The following POGZ variants were observed in gnomAD, a reference collection of about 807,000 sequenced individuals.
POGZ encodes pogo transposable element derived with ZNF domain.
A neutral mutation model predicts 134.6 loss-of-function variants in POGZ; 17 were observed. That is an observed-to-expected ratio of 0.13 (90% confidence interval 0.09 to 0.19). POGZ has a LOEUF of 0.19. Among genes scored for constraint, POGZ ranks in the 10% least tolerant of loss-of-function variants. POGZ has a pLI of 1.00. For missense variants in POGZ, 1,306 were observed against 1,769.7 expected, an observed-to-expected ratio of 0.74 and a Z score of 4.70; for synonymous variants, 693 against 657.1, an observed-to-expected ratio of 1.05 and a Z score of -0.84.
chr1:151,405,918 G>A lies in POGZ; in HGVS notation c.3117C>T (p.Arg1039=), dbSNP rs371361212. ...CCTCATTTACAGGTAGCTGTTGTTCGCGCTGGGTTAGCACCCACTCAGCCA... is the reference window on the plus strand; with the variant it reads ...CCTCATTTACAGGTAGCTGTTGTTCACGCTGGGTTAGCACCCACTCAGCCA... ...EKLAEWVLTQ[R]EQQLPVNEET... is the part of the protein sequence containing the mutation. The change falls in exon 19 of 19, where the codon CGC becomes CGT. Residue 1039 remains arginine, a synonymous_variant. Coordinates refer to ENST00000271715, the MANE Select transcript of POGZ (RefSeq NM_015100.4). This position sits in a 1 kb window ranked among gnomAD's most constrained non-coding sequence, Gnocchi z 4.9. 3.9e-5 allele frequency: 63 copies of A among 1,613,942 alleles called. No individual in the cohort carries two copies. Among genetic ancestry groups the A allele is most frequent in the African/African-American group, 2.9e-4 (22 of 74,882 alleles).
chr1:151,418,439 A>C (rs1571398478), intron 10 of POGZ, among the ~76,000 whole-genome samples: 1 of 152,142 alleles, frequency 6.6e-6, no homozygotes, highest in South Asian at 2.1e-4. Context: ...GGCTGGGAAG[A>C]GTAGGGGAGT....
Position 151,430,904 on chromosome 1 carries a change from CTTTATTTTATTTTATTTTATTTTAT to C in POGZ, c.284-88_284-64del, listed in dbSNP as rs60227751. On this transcript the variant is annotated intron_variant, in intron 3 of 18. Transcript: ENST00000271715. ...GAAACAATGTTAAACCCACATTTTA[CTTTATTTTATTTTATTTTATTTTAT>C]TTTATTTTATTTTATTTTATTTGAT... 53 of 426,868 alleles carry C rather than the reference CTTTATTTTATTTTATTTTATTTTAT, an allele frequency of 1.2e-4. 1 individual carries two copies. The highest frequency in any genetic ancestry group is 2.4e-4 in the South Asian group (6 of 25,060). The allele number at this position is 426,868 out of a possible 1,614,324, so 26.4% of individuals were successfully genotyped here.
In POGZ at chr1:151,404,778, C is replaced by T; in HGVS notation, c.*24G>A. The T allele has an allele frequency of 1.3e-6, 2 of 1,572,474 alleles. No individual in the cohort carries two copies. The highest frequency in any genetic ancestry group is 1.4e-5 in the African/African-American group (1 of 74,066). Reference sequence around the variant, plus strand: ...CCCTCACATGTTCCCACCCTCACTCCACACCCCCTCATGACCCCAACACTC... The same window carrying T: ...CCCTCACATGTTCCCACCCTCACTCTACACCCCCTCATGACCCCAACACTC... On this transcript the variant is annotated 3_prime_UTR_variant, in exon 19 of 19. Coordinates refer to ENST00000271715, the MANE Select transcript of POGZ (RefSeq NM_015100.4).
Position 151,429,731 on chromosome 1 carries a change from GA to G in POGZ, c.460-21del, listed in dbSNP as rs765763467. The G allele has an allele frequency of 6.9e-7, 1 of 1,439,312 alleles. No homozygotes were observed. Among genetic ancestry groups the G allele is most frequent in the Non-Finnish European group, 9.8e-7 (1 of 1,021,908 alleles). 89.2% of individuals were successfully genotyped at this position (1,439,312 alleles called of 1,614,324 possible). ...AAATCCCTGTATTAAAAAGCAAAAT[GA>G]TCTTTAACATGGAGACCAATTAACA... On this transcript the variant is annotated intron_variant, in intron 4 of 18. Coordinates refer to ENST00000271715, the MANE Select transcript of POGZ (RefSeq NM_015100.4).
chr1:151,404,741 C>A lies in POGZ; in HGVS notation c.*61G>T. On this transcript the variant is annotated 3_prime_UTR_variant, in exon 19 of 19. Transcript: ENST00000271715. ...CCTGGTATGCCCCCTTTTCCCTAAG[C>A]CCCTTTACCCTCCCTCACATGTTCC... 3 of 1,509,894 alleles carry A rather than the reference C, an allele frequency of 2.0e-6. No homozygotes were observed. Among genetic ancestry groups the A allele is most frequent in the Middle Eastern group, 1.9e-4 (1 of 5,232 alleles). The allele number at this position is 1,509,894 out of a possible 1,614,324, so 93.5% of individuals were successfully genotyped here. A position where few individuals can be genotyped will look rare whatever the true frequency, so the allele number is the denominator to read the frequency against.
chr1:151,421,588 CTTT>C (rs976547047), intron 10 of POGZ, among the ~76,000 whole-genome samples: 4 of 152,350 alleles, frequency 2.6e-5, no homozygotes, highest in African/African-American at 7.2e-5. Context: ...AAGATCTCTT[CTTT>C]GTCTAACAAT....
chr1:151,437,150 CGCCACTGTACTCCA>C (rs1156853534), intron 3 of POGZ, among the ~76,000 whole-genome samples: 1 of 151,490 alleles, frequency 6.6e-6, no homozygotes, highest in Non-Finnish European at 1.5e-5. Context: ...GCCGAGATTG[CGCCACTGTACTCCA>C]GCCTGGGCAA....
rs201882243 is a variant in POGZ, at chr1:151,411,782, T to TAGG, written c.1780-14_1780-12dup. 1.8e-3 allele frequency: 2,821 copies of TAGG among 1,602,990 alleles called. 44 individuals are homozygous for TAGG. In the African/African-American group the frequency reaches 0.034, roughly 19 times the overall value. On this transcript the variant is annotated splice_polypyrimidine_tract_variant and intron_variant, in intron 11 of 18. Coordinates refer to ENST00000271715, the MANE Select transcript of POGZ (RefSeq NM_015100.4). Reference sequence around the variant, plus strand: ...GCGATATTGACACACCTGAGTCACATAGGAGGGAAAATAAGGCTAAGAATG... The same window carrying TAGG: ...GCGATATTGACACACCTGAGTCACATAGGAGGAGGGAAAATAAGGCTAAGAATG...
chr1:151,413,272 G>T (rs1029729123), intron 10 of POGZ, among the ~76,000 whole-genome samples: 11 of 151,748 alleles, frequency 7.2e-5, no homozygotes, highest in African/African-American at 2.4e-4. Context: ...GCACCACCAT[G>T]CCCAAGTAAT....
chr1:151,451,026 G>C (rs1477145001), intron 1 of POGZ: 2 of 151,016 alleles, frequency 1.3e-5, no homozygotes, highest in East Asian at 2.0e-4. Context: ...ACCATGACCA[G>C]AGATGTGGTG....
At chr1:151,442,282 C>T in intron 1 of POGZ, 77 bp from the exon 2 acceptor site, 1 of 1,344,808 alleles carries the variant, frequency 7.4e-7, no homozygotes, top group Non-Finnish European at 1.0e-6. Context: ...GAAATCAGAA[C>T]TTTGACTCCA....
intron 3 of POGZ, among the ~76,000 whole-genome samples, chr1:151,436,136 T>C (rs1251199870): frequency 6.6e-6 from 1 of 151,884 alleles, no homozygotes; most frequent in African/African-American, 2.4e-5. Context: ...TTTTATATTT[T>C]TAGTAGAAAC....
intron 1 of POGZ, among the ~76,000 whole-genome samples, chr1:151,450,713 T>C (rs1661941813): frequency 6.6e-6 from 1 of 152,158 alleles, no homozygotes; most frequent in Non-Finnish European, 1.5e-5. Flanking sequence ...CAGGTTACTT[T>C]TGCTACATAT....
intron 3 of POGZ, among the ~76,000 whole-genome samples, chr1:151,439,526 C>G (rs1660182720): frequency 6.6e-6 from 1 of 152,162 alleles, no homozygotes; most frequent in African/African-American, 2.4e-5. Flanking sequence ...AACACCTGAT[C>G]CAGCAAATCT....
At chr1:151,431,017 C>T (rs1306106265) in intron 3 of POGZ, among the ~76,000 whole-genome samples, 176 bp from the exon 4 acceptor site, 2 of 151,940 alleles carry the variant, frequency 1.3e-5, no homozygotes, top group Non-Finnish European at 2.9e-5. Flanking sequence ...CTCACTGCAG[C>T]CTCAAGTTCC....
chr1:151,407,355 C>A (rs1653824641), intron 15 of POGZ, 64 bp from the exon 16 acceptor site: 1 of 1,114,484 alleles, frequency 9.0e-7, no homozygotes, highest in South Asian at 1.4e-5. Flanking sequence ...AGATCACCAG[C>A]CAGTGACAAT....
chr1:151,450,580 A>C (rs1246453564), intron 1 of POGZ, among the ~76,000 whole-genome samples: 1 of 152,032 alleles, frequency 6.6e-6, no homozygotes, highest in African/African-American at 2.4e-5. Flanking sequence ...CTTGAACTTC[A>C]GGACTCAAGT....
chr1:151,403,611 G>A lies in POGZ; in HGVS notation c.*1191C>T. 2.0e-6 allele frequency: 2 copies of A among 985,662 alleles called. No individual in the cohort carries two copies. Among genetic ancestry groups the A allele is most frequent in the Non-Finnish European group, 2.4e-6 (2 of 829,838 alleles). 61.1% of individuals were successfully genotyped at this position (985,662 alleles called of 1,614,324 possible). ...AAAAAATTTTCTTTCCTTGAAGCTG[G>A]CAGTGAAAAATAAAGATTCATGTCA... On this transcript the variant is annotated 3_prime_UTR_variant, in exon 19 of 19. Coordinates refer to ENST00000271715, the MANE Select transcript of POGZ (RefSeq NM_015100.4).
At chr1:151,418,658 T>C (rs1250933254) in intron 10 of POGZ, among the ~76,000 whole-genome samples, 2 of 152,188 alleles carry the variant, frequency 1.3e-5, no homozygotes, top group African/African-American at 4.8e-5. Flanking sequence ...ACAGATTATA[T>C]AAATGTATAT....
Sources: gnomAD v4.1 joint callset for allele counts (sites outside exome capture counted in the v4.1 genomes callset) on GRCh38, gnomAD v4.1.1 for gene constraint, Gnocchi (gnomAD v3.1) non-coding constraint, MANE v1.5 for transcripts, NCBI Gene and HGNC (gene_info 2026-07-23, HGNC 2026-07-21) for gene names.